GALNT16: variants seen among roughly 807,000 people sequenced by gnomAD.
GALNT16 encodes polypeptide N-acetylgalactosaminyltransferase 16.
Under a neutral mutation model 76.1 loss-of-function variants are expected in GALNT16, and 40 were observed. The observed-to-expected ratio is 0.53, with a 90% CI of 0.41 to 0.68. The LOEUF (loss-of-function observed/expected upper bound fraction) is 0.68, where lower values mean the gene tolerates loss of function less well. GALNT16 is among the 30% of genes least tolerant of loss of function. The probability of loss-of-function intolerance (pLI) is 0.00; values close to 1 mark genes in which losing one functional copy is unlikely to be tolerated. For synonymous variants in GALNT16, 276 were observed against 285.2 expected (o/e 0.97, Z 0.32); for missense variants, 621 against 731.9 (o/e 0.85, Z 1.75).
At position 69,338,766 on chromosome 14, in the gene GALNT16, C is replaced by A; in HGVS notation, c.1083C>A (p.Leu361=). The A allele has an allele frequency of 6.2e-7, 1 of 1,613,192 alleles. No homozygotes were observed. ...HPYNFPEGNA[L]TYIRNTKRTA... ...ACAACTTCCCTGAGGGTAATGCCCT[C>A]ACCTACATCAGGTAGGTCACCGAGA... The change falls in exon 10 of 15, where the codon CTC becomes CTA. Residue 361 remains leucine (L), a synonymous_variant. Coordinates refer to ENST00000448469, the MANE Select transcript of GALNT16 (RefSeq NM_001168368.2).
chr14:69,324,682 C>T lies in GALNT16; in HGVS notation c.336-10C>T, dbSNP rs1295641067. On this transcript the variant is annotated splice_polypyrimidine_tract_variant and intron_variant, in intron 2 of 14. Transcript: ENST00000448469. ...CATGGCTGGCTCTGACCTCTGTGCT[C>T]CCTTCTCAGCTGCCCATCTGTGTCC... is the stretch of plus-strand genomic sequence containing the variant. 9 of 1,567,118 alleles carry T rather than the reference C, an allele frequency of 5.7e-6. No homozygotes were observed. The highest frequency in any genetic ancestry group is 4.5e-5 in the East Asian group (2 of 44,604).
chr14:69,260,443 C>G lies in GALNT16; in HGVS notation c.153C>G (p.Arg51=). ...CAGGCAGGAGGTCGGAGCAGCTCCG[C>G]GAGGACCGCACCATCCCGCTCATTG... ...QRAGRRSEQL[R]EDRTIPLIVT... The change falls in exon 1 of 15, where the codon CGC becomes CGG. Residue 51 remains arginine (R), a synonymous_variant. Coordinates refer to ENST00000448469, the MANE Select transcript of GALNT16 (RefSeq NM_001168368.2). The G allele has an allele frequency of 1.9e-6, 3 of 1,569,808 alleles. No homozygotes were observed. The highest frequency in any genetic ancestry group is 2.6e-6 in the Non-Finnish European group (3 of 1,157,068).
the GALNT16 span, chr14:69,380,787 A>G: frequency 3.4e-6 from 2 of 580,056 alleles, no homozygotes; most frequent in African/African-American, 1.9e-5. Context: ...CTACTTACAC[A>G]GTCGTTGAAT....
At chr14:69,332,766 C>A (rs1005042292) in intron 7 of GALNT16, among the ~76,000 whole-genome samples, 10 of 152,096 alleles carry the variant, frequency 6.6e-5, no homozygotes, top group African/African-American at 2.4e-4. Context: ...CACCAGAGAG[C>A]CTTTCCTGAC....
intron 1 of GALNT16, among the ~76,000 whole-genome samples, chr14:69,312,296 T>C (rs1566875636): frequency 2.0e-5 from 3 of 152,154 alleles, no homozygotes; most frequent in East Asian, 3.9e-4. Context: ...CCGTGTTCGA[T>C]AGATACTGAC....
At chr14:69,326,984 T>A (rs2045294690) in intron 5 of GALNT16, among the ~76,000 whole-genome samples, 1 of 152,168 alleles carries the variant, frequency 6.6e-6, no homozygotes. Flanking sequence ...TGAATTGAGA[T>A]GATAGAAGAC....
chr14:69,265,955 T>C (rs2044337694), intron 1 of GALNT16, among the ~76,000 whole-genome samples: 1 of 152,196 alleles, frequency 6.6e-6, no homozygotes, highest in East Asian at 1.9e-4. Flanking sequence ...TGCTGTGTGT[T>C]TTACAGGCTT....
At chr14:69,336,413 G>GC (rs2045415915) in intron 9 of GALNT16, among the ~76,000 whole-genome samples, 1 of 152,160 alleles carries the variant, frequency 6.6e-6, no homozygotes, top group Admixed American at 6.5e-5. Flanking sequence ...CCCCCAGCCA[G>GC]CATGGCCTCT....
the GALNT16 span, among the ~76,000 whole-genome samples, chr14:69,371,519 G>C: frequency 6.6e-6 from 1 of 151,798 alleles, no homozygotes; most frequent in Non-Finnish European, 1.5e-5. Context: ...GCCTCCCAAA[G>C]TGCTGGGATT....
At chr14:69,280,920 A>G (rs2044532421) in intron 1 of GALNT16, among the ~76,000 whole-genome samples, 1 of 152,076 alleles carries the variant, frequency 6.6e-6, no homozygotes, top group Non-Finnish European at 1.5e-5. Context: ...AGCTGAGGTT[A>G]CAGCCCTTAG....
chr14:69,379,858 G>A, the GALNT16 span, among the ~76,000 whole-genome samples: 5 of 152,188 alleles, frequency 3.3e-5, no homozygotes, highest in African/African-American at 4.8e-5. Flanking sequence ...CTGCTGCTGC[G>A]GACAAGCTTT....
At position 69,347,178 on chromosome 14, in the gene GALNT16, C is replaced by G; in HGVS notation, c.1410C>G (p.Ala470=). 6.2e-7 allele frequency: 1 copy of G among 1,606,740 alleles called. No individual in the cohort carries two copies. Among genetic ancestry groups the G allele is most frequent in the Non-Finnish European group, 8.5e-7 (1 of 1,175,584 alleles). The stretch of plus-strand genomic sequence containing the variant: ...GGTCTGCCAAGAACCCGCAGCCCGC[C>G]CAGGTAAGGACCTCGGGTAGGAATG... ...CRGSAKNPQP[A]QAWLFSDHLI... The change falls in exon 13 of 15, where the codon GCC becomes GCG. Residue 470 remains alanine (A), a synonymous_variant. Coordinates refer to ENST00000448469, the MANE Select transcript of GALNT16 (RefSeq NM_001168368.2).
At chr14:69,324,553 G>A (rs767710287) in intron 2 of GALNT16, 139 bp from the exon 3 acceptor site, 24 of 498,132 alleles carry the variant, frequency 4.8e-5, no homozygotes, top group Non-Finnish European at 7.8e-5. Flanking sequence ...GTGGAGGCGC[G>A]GGGCCTCTGG....
intron 11 of GALNT16, 47 bp from the exon 12 acceptor site, chr14:69,341,634 C>G: frequency 7.6e-7 from 1 of 1,321,328 alleles, no homozygotes; most frequent in South Asian, 1.2e-5. Context: ...CCTCGGGCTG[C>G]CTTCCACACT....
chr14:69,347,194 G>A lies in GALNT16; in HGVS notation c.1413+13G>A, dbSNP rs754660417. On this transcript the variant is annotated intron_variant, in intron 13 of 14. Coordinates refer to ENST00000448469, the MANE Select transcript of GALNT16 (RefSeq NM_001168368.2). ...GCAGCCCGCCCAGGTAAGGACCTCG[G>A]GTAGGAATGGGAGTGGGAGAGAGCT... The A allele has an allele frequency of 1.3e-6, 2 of 1,594,244 alleles. No individual in the cohort carries two copies. The highest frequency in any genetic ancestry group is 2.2e-5 in the East Asian group (1 of 44,576).
chr14:69,340,371 A>T (rs1451073865), intron 11 of GALNT16, among the ~76,000 whole-genome samples: 1 of 152,224 alleles, frequency 6.6e-6, no homozygotes, highest in Non-Finnish European at 1.5e-5. Flanking sequence ...ATTTTAAATC[A>T]TCTCTAGATT....
At chr14:69,294,125 T>C (rs2044722998) in intron 1 of GALNT16, among the ~76,000 whole-genome samples, 1 of 151,900 alleles carries the variant, frequency 6.6e-6, no homozygotes, top group Admixed American at 6.6e-5. Context: ...CCTGACCTTG[T>C]GATCCACCCG....
intron 1 of GALNT16, among the ~76,000 whole-genome samples, chr14:69,318,537 G>T (rs930464076): frequency 6.6e-6 from 1 of 152,224 alleles, no homozygotes; most frequent in South Asian, 2.1e-4. Context: ...ATGAATGCAT[G>T]TTTAGGTGAT....
intron 1 of GALNT16, among the ~76,000 whole-genome samples, chr14:69,285,504 A>T (rs528689442): frequency 1.4e-4 from 22 of 152,264 alleles, no homozygotes; most frequent in Non-Finnish European, 2.4e-4. Context: ...AGGAGCAGTG[A>T]GGTCATGCTG....
Sources: gnomAD v4.1 joint callset for allele counts (sites outside exome capture counted in the v4.1 genomes callset) on GRCh38, gnomAD v4.1.1 for gene constraint, MANE v1.5 for transcripts, NCBI Gene and HGNC (gene_info 2026-07-23, HGNC 2026-07-21) for gene names.